The following SRD5A2 variants were observed in gnomAD, a reference collection of about 807,000 sequenced individuals.
SRD5A2 encodes the protein 3-oxo-5-alpha-steroid 4-dehydrogenase 2.
In SRD5A2, 30 loss-of-function variants were observed where a neutral mutation model predicts 27.4. That is an observed-to-expected ratio of 1.10 (90% CI 0.82 to 1.49). SRD5A2 has a LOEUF of 1.49. Among genes scored for constraint, SRD5A2 ranks in the 40% most tolerant of loss-of-function variants. SRD5A2 has a pLI of 0.00. For missense variants in SRD5A2, 348 were observed against 323.4 expected, an observed-to-expected ratio of 1.08 and a Z score of -0.58; for synonymous variants, 141 against 133.6, an observed-to-expected ratio of 1.06 and a Z score of -0.38.
the SRD5A2 span, among the ~76,000 whole-genome samples, chr2:31,625,022 T>C: frequency 2.0e-5 from 3 of 152,292 alleles, no homozygotes; most frequent in South Asian, 2.1e-4. Context: ...CCAGCACCTG[T>C]TGTTTTCTGA....
chr2:31,567,736 G>T (rs1666762988), intron 1 of SRD5A2, among the ~76,000 whole-genome samples: 1 of 152,056 alleles, frequency 6.6e-6, no homozygotes, highest in African/African-American at 2.4e-5. Flanking sequence ...ACAAACATTT[G>T]TATACAAGTC....
chr2:31,640,827 T>C, the SRD5A2 span, among the ~76,000 whole-genome samples: 2 of 152,006 alleles, frequency 1.3e-5, no homozygotes, highest in African/African-American at 4.8e-5. Context: ...ATATTTCTCT[T>C]TGGGGCACTC....
At chr2:31,577,585 G>A (rs1156652528) in intron 1 of SRD5A2, among the ~76,000 whole-genome samples, 1 of 152,124 alleles carries the variant, frequency 6.6e-6, no homozygotes, top group East Asian at 1.9e-4. Context: ...CTATTTGATG[G>A]GACATATTGC....
chr2:31,560,399 A>G (rs762825583), intron 1 of SRD5A2, among the ~76,000 whole-genome samples: 40 of 152,208 alleles, frequency 2.6e-4, no homozygotes, highest in African/African-American at 9.1e-4. Flanking sequence ...TTTTCCCTCT[A>G]TATCTCACAG....
At chr2:31,561,090 C>G (rs1666611783) in intron 1 of SRD5A2, among the ~76,000 whole-genome samples, 1 of 152,072 alleles carries the variant, frequency 6.6e-6, no homozygotes, top group African/African-American at 2.4e-5. Flanking sequence ...AAAGTGATTC[C>G]CTCCACATCT....
chr2:31,546,601 C>G (rs1666266834), intron 1 of SRD5A2, among the ~76,000 whole-genome samples: 2 of 152,020 alleles, frequency 1.3e-5, no homozygotes, highest in African/African-American at 4.8e-5. Context: ...TACACTTGAA[C>G]ATAAAGACAA....
chr2:31,642,107 A>G, the SRD5A2 span, among the ~76,000 whole-genome samples: 1 of 152,148 alleles, frequency 6.6e-6, no homozygotes, highest in Non-Finnish European at 1.5e-5. Flanking sequence ...AATGTGATCA[A>G]CTGAGACAGA....
At chr2:31,651,499 A>T in the SRD5A2 span, 6 of 222,126 alleles carry the variant, frequency 2.7e-5, no homozygotes, top group Admixed American at 2.1e-4. Context: ...GAGATGACTG[A>T]CTTTACCCAA....
chr2:31,658,988 C>A, the SRD5A2 span, among the ~76,000 whole-genome samples: 3 of 152,176 alleles, frequency 2.0e-5, no homozygotes, highest in Non-Finnish European at 4.4e-5. Flanking sequence ...TCAAATCCAG[C>A]AGCACATCAA....
the SRD5A2 span, among the ~76,000 whole-genome samples, chr2:31,647,755 A>T: frequency 1.3e-5 from 2 of 152,206 alleles, no homozygotes. Flanking sequence ...CACAAATGGC[A>T]CTAAATTATA....
chr2:31,655,635 C>A, the SRD5A2 span, among the ~76,000 whole-genome samples: 105 of 152,246 alleles, frequency 6.9e-4, no homozygotes, highest in African/African-American at 2.3e-3. Context: ...CTGATCTCAT[C>A]AGCAAGATAA....
chr2:31,569,671 A>T (rs1222964929), intron 1 of SRD5A2, among the ~76,000 whole-genome samples: 19 of 104,528 alleles, frequency 1.8e-4, no homozygotes, highest in Non-Finnish European at 3.9e-4. Context: ...TGCAAAAAAC[A>T]AAAAACAAAA....
the SRD5A2 span, among the ~76,000 whole-genome samples, chr2:31,634,438 G>A: frequency 4.6e-5 from 7 of 152,176 alleles, no homozygotes; most frequent in Middle Eastern, 3.4e-3. Flanking sequence ...GGATGGGGGC[G>A]TATATCTGAA....
intron 1 of SRD5A2, 142 bp from the exon 2 acceptor site, chr2:31,533,908 TC>T: frequency 1.1e-6 from 1 of 891,484 alleles, no homozygotes; most frequent in Non-Finnish European, 1.6e-6. Flanking sequence ...AATTATCTTC[TC>T]CAGGAGGATG....
At chr2:31,615,163 G>A in the SRD5A2 span, among the ~76,000 whole-genome samples, 1 of 152,184 alleles carries the variant, frequency 6.6e-6, no homozygotes, top group Non-Finnish European at 1.5e-5. Context: ...CATGAGAACA[G>A]ACTAATACAG....
chr2:31,554,756 A>G (rs76817682), intron 1 of SRD5A2, among the ~76,000 whole-genome samples: 23 of 152,300 alleles, frequency 1.5e-4, no homozygotes, highest in Non-Finnish European at 2.5e-4. Flanking sequence ...TGCTTTAAAC[A>G]TTCCTTCCAT....
At chr2:31,590,461 T>A in the SRD5A2 span, among the ~76,000 whole-genome samples, 1 of 152,196 alleles carries the variant, frequency 6.6e-6, no homozygotes, top group South Asian at 2.1e-4. Context: ...AGTTCACTCA[T>A]GATGGGTAGG....
At position 31,529,383 on chromosome 2, in the gene SRD5A2, T is replaced by C. The variant is rs1404478108; in HGVS notation, c.622A>G (p.Thr208Ala). 6.2e-7 allele frequency: 1 copy of C among 1,613,962 alleles called. No individual in the cohort carries two copies. The highest frequency in any genetic ancestry group is 8.5e-7 in the Non-Finnish European group (1 of 1,179,848). Residue 208 changes from threonine (T) to alanine (A), a missense_variant, in exon 4 of 5, where the codon ACT (threonine) becomes GCT (alanine). Transcript: ENST00000622030. ...IIEWIGYALATWSLPALAFAF... is the reference protein window; with the variant it reads ...IIEWIGYALAAWSLPALAFAF... ...AATGCAAGTGCTGGGAGGGACCAAG[T>C]GGCCAGGGCATAGCCGATCCATTCA...
chr2:31,529,962 G>A (rs574087879), intron 3 of SRD5A2, among the ~76,000 whole-genome samples: 12 of 152,074 alleles, frequency 7.9e-5, no homozygotes, highest in Non-Finnish European at 1.3e-4. Flanking sequence ...CCACCCTTCT[G>A]CAAAGCACTC....
Sources: gnomAD v4.1 joint callset for allele counts (sites outside exome capture counted in the v4.1 genomes callset) on GRCh38, gnomAD v4.1.1 for gene constraint, MANE v1.5 for transcripts, NCBI Gene and HGNC (gene_info 2026-07-23, HGNC 2026-07-21) for gene names.